Variants in PLCB1 observed in about 807,000 individuals in gnomAD.
The protein encoded by PLCB1 is 1-phosphatidylinositol 4,5-bisphosphate phosphodiesterase beta-1.
PLCB1 carries 46 observed loss-of-function variants against 161.8 expected under a neutral mutation model. That is an observed-to-expected ratio of 0.28 (90% CI 0.22 to 0.36). The LOEUF is 0.36. Ranked by LOEUF, PLCB1 falls within the 10% of genes least tolerant of loss-of-function variation. The pLI, the probability that PLCB1 is intolerant of heterozygous loss-of-function variation, is 1.00. For synonymous variants in PLCB1, 517 were observed against 503.7 expected (o/e 1.03, Z -0.35); for missense variants, 1,016 against 1,472.5 (o/e 0.69, Z 5.07).
At chr20:8,838,882 A>G (rs773340692) in intron 31 of PLCB1, among the ~76,000 whole-genome samples, 5 of 152,228 alleles carry the variant, frequency 3.3e-5, no homozygotes, top group Non-Finnish European at 7.3e-5. Flanking sequence ...GTATGCAGTT[A>G]TTGATCTGGC....
At chr20:8,828,082 A>G (rs1985795543) in intron 31 of PLCB1, among the ~76,000 whole-genome samples, 1 of 152,236 alleles carries the variant, frequency 6.6e-6, no homozygotes, top group Non-Finnish European at 1.5e-5. Flanking sequence ...AATGAAGTCA[A>G]TAAGGAGAAG....
chr20:8,268,253 G>A (rs1416411696), intron 2 of PLCB1, among the ~76,000 whole-genome samples: 1 of 152,040 alleles, frequency 6.6e-6, no homozygotes, highest in Non-Finnish European at 1.5e-5. Context: ...TGCTGAGAAT[G>A]ATGGTTTCCA....
intron 3 of PLCB1, among the ~76,000 whole-genome samples, chr20:8,408,167 A>G (rs1309735962): frequency 6.6e-6 from 1 of 152,232 alleles, no homozygotes; most frequent in Non-Finnish European, 1.5e-5. Context: ...CAGCAGAAAC[A>G]GTTTCCCCTG....
At chr20:8,605,399 C>T (rs1476675388) in intron 3 of PLCB1, among the ~76,000 whole-genome samples, 4 of 151,932 alleles carry the variant, frequency 2.6e-5, no homozygotes, top group African/African-American at 7.2e-5. Flanking sequence ...TTGAATTCCC[C>T]TTAATTGAAC....
Position 8,315,545 on chromosome 20 carries a change from A to G in PLCB1, c.178-55837A>G, listed in dbSNP as rs190923935. ...ATCTGGAAGTGTAACCTTGGCCAAA[A>G]TCACTTACCCTTTCTCACTTGTGTT... On this transcript the variant is annotated intron_variant, in intron 2 of 31. Coordinates refer to ENST00000338037, the MANE Select transcript of PLCB1 (RefSeq NM_015192.4). Among the ~76,000 whole-genome samples, 5 of 152,254 alleles carry G rather than the reference A, an allele frequency of 3.3e-5. No individual in the cohort carries two copies. The East Asian group carries it at 9.7e-4, about 29-fold the overall frequency.
chr20:8,646,726 A>C (rs1210505672), intron 5 of PLCB1, among the ~76,000 whole-genome samples: 2 of 152,354 alleles, frequency 1.3e-5, no homozygotes, highest in Non-Finnish European at 1.5e-5. Flanking sequence ...AAATAAGGAA[A>C]GAAAAGCAAA....
chr20:8,790,923 A>G (rs944593232), intron 31 of PLCB1, among the ~76,000 whole-genome samples: 1 of 152,180 alleles, frequency 6.6e-6, no homozygotes, highest in Non-Finnish European at 1.5e-5. Context: ...ATCACTGAAT[A>G]GTTTTCTGTT....
chr20:8,607,860 T>G (rs904135186), intron 3 of PLCB1, among the ~76,000 whole-genome samples: 1 of 152,194 alleles, frequency 6.6e-6, no homozygotes, highest in African/African-American at 2.4e-5. Flanking sequence ...GACTGAGGAA[T>G]TTAAGAATTA....
intron 2 of PLCB1, among the ~76,000 whole-genome samples, chr20:8,244,969 A>G: frequency 6.7e-6 from 1 of 148,810 alleles, no homozygotes; most frequent in African/African-American, 2.5e-5. Context: ...GGCTTAGGAG[A>G]GGTTCTATTT....
chr20:8,726,406 C>T (rs536446977), intron 16 of PLCB1, among the ~76,000 whole-genome samples: 40 of 152,144 alleles, frequency 2.6e-4, no homozygotes, highest in Admixed American at 7.9e-4. Context: ...AGTCCATTCT[C>T]GTGCTGCTAT....
chr20:8,228,301 C>T (rs1305840204), intron 2 of PLCB1, among the ~76,000 whole-genome samples: 1 of 152,138 alleles, frequency 6.6e-6, no homozygotes, highest in African/African-American at 2.4e-5. Flanking sequence ...TACCCACCTC[C>T]CCACTATCTC....
intron 4 of PLCB1, among the ~76,000 whole-genome samples, chr20:8,636,818 G>T (rs115541468): frequency 0.012 from 1,813 of 152,274 alleles, 33 homozygotes; most frequent in African/African-American, 0.033. Flanking sequence ...CAGACTGTGG[G>T]TTACTGTTAG....
In PLCB1 at chr20:8,790,237, G is replaced by A. The variant is rs1983688080; in HGVS notation, c.3399G>A (p.Gln1133=). Reference sequence around the variant, plus strand: ...TAGAGAAACACAAGGAAATACGTCAGCAGATCCTGGATGAAAAGCCCAAGG... The same window carrying A: ...TAGAGAAACACAAGGAAATACGTCAACAGATCCTGGATGAAAAGCCCAAGG... ...KLVEKHKEIR[Q]QILDEKPKLQ... is the part of the protein sequence containing the mutation. Residue 1133 remains glutamine (Q), a synonymous_variant, in exon 31 of 32, where the codon CAG becomes CAA. Transcript: ENST00000338037. 6.2e-7 allele frequency: 1 copy of A among 1,611,472 alleles called. No individual in the cohort carries two copies. The highest frequency in any genetic ancestry group is 2.2e-5 in the East Asian group (1 of 44,714).
At chr20:8,540,720 GA>G (rs1267168334) in intron 3 of PLCB1, among the ~76,000 whole-genome samples, 1 of 151,800 alleles carries the variant, frequency 6.6e-6, no homozygotes, top group African/African-American at 2.4e-5. Context: ...GGTTATGTCA[GA>G]TATAACTGAT....
At chr20:8,234,614 C>T (rs527695647) in intron 2 of PLCB1, among the ~76,000 whole-genome samples, 2 of 152,234 alleles carry the variant, frequency 1.3e-5, no homozygotes, top group African/African-American at 4.8e-5. Flanking sequence ...AATGCTACCC[C>T]TGTTCCAAGA....
At chr20:8,593,818 T>TTA (rs550811980) in intron 3 of PLCB1, among the ~76,000 whole-genome samples, 26 of 152,260 alleles carry the variant, frequency 1.7e-4, no homozygotes, top group Non-Finnish European at 2.5e-4. Flanking sequence ...AAGATTCTAT[T>TTA]ATCAGGAGGA....
chr20:8,476,838 A>G (rs1371699120), intron 3 of PLCB1, among the ~76,000 whole-genome samples: 8 of 152,158 alleles, frequency 5.3e-5, no homozygotes, highest in Admixed American at 4.6e-4. Context: ...TGAGGAAGCT[A>G]TATGTTTACA....
chr20:8,729,281 A>C, intron 18 of PLCB1, 107 bp downstream of exon 18: 1 of 1,073,640 alleles, frequency 9.3e-7, no homozygotes, highest in Non-Finnish European at 1.3e-6. Context: ...TCACTGAAAA[A>C]ATAAATAAAA....
At chr20:8,344,983 A>G (rs1985948586) in intron 2 of PLCB1, among the ~76,000 whole-genome samples, 1 of 152,236 alleles carries the variant, frequency 6.6e-6, no homozygotes, top group African/African-American at 2.4e-5. Flanking sequence ...TATGCAGCAT[A>G]ACCCGAGGCA....
Sources: gnomAD v4.1 joint callset for allele counts (sites outside exome capture counted in the v4.1 genomes callset) on GRCh38, gnomAD v4.1.1 for gene constraint, MANE v1.5 for transcripts, NCBI Gene and HGNC (gene_info 2026-07-23, HGNC 2026-07-21) for gene names.